The following PHLDB2 variants were observed in gnomAD, a reference collection of about 807,000 sequenced individuals.
The protein encoded by PHLDB2 is pleckstrin homology-like domain family B member 2.
Under a neutral mutation model 123.6 loss-of-function variants are expected in PHLDB2, and 71 were observed. The observed-to-expected ratio is 0.57, with a 90% confidence interval of 0.47 to 0.70. The LOEUF is 0.70. Among genes scored for constraint, PHLDB2 ranks in the 30% least tolerant of loss-of-function variants. The pLI, the probability that PHLDB2 is intolerant of heterozygous loss-of-function variation, is 0.00. For missense variants in PHLDB2, 1,446 were observed against 1,519.5 expected (o/e 0.95, Z 0.80); for synonymous variants, 547 against 541.6 (o/e 1.01, Z -0.14).
intron 2 of PHLDB2, among the ~76,000 whole-genome samples, chr3:111,907,625 A>G (rs2107479193): frequency 6.6e-6 from 1 of 152,152 alleles, no homozygotes; most frequent in East Asian, 1.9e-4. Flanking sequence ...CCTCCCAAGT[A>G]GCTGGGACTA....
chr3:111,780,712 T>C (rs984267950), intron 1 of PHLDB2, among the ~76,000 whole-genome samples: 2 of 152,084 alleles, frequency 1.3e-5, no homozygotes, highest in African/African-American at 4.8e-5. Context: ...ATATCAGAGA[T>C]TATTCAGGTA....
intron 1 of PHLDB2, among the ~76,000 whole-genome samples, chr3:111,866,191 G>A (rs1436613600): frequency 6.6e-6 from 1 of 151,408 alleles, no homozygotes; most frequent in East Asian, 1.9e-4. Flanking sequence ...GCTAATTTCT[G>A]TACTTTAATA....
At position 111,920,392 on chromosome 3, in the gene PHLDB2, A is replaced by G; in HGVS notation, c.1974A>G (p.Glu658=). 1 of 1,613,884 alleles carries G rather than the reference A, an allele frequency of 6.2e-7. No individual in the cohort carries two copies. The highest frequency in any genetic ancestry group is 8.5e-7 in the Non-Finnish European group (1 of 1,179,898). ...TAAACCGGAAAATAGCTGAACTGGA[A>G]AAGAACATTGTTGGTGAAAAGACCA... ...DHLNRKIAEL[E]KNIVGEKTKE... is the part of the protein sequence containing the mutation. The change falls in exon 5 of 18, where the codon GAA becomes GAG. Residue 658 remains glutamate, a synonymous_variant. Transcript: ENST00000431670.
Position 111,853,234 on chromosome 3 carries a change from A to G in PHLDB2, c.67+7299A>G, listed in dbSNP as rs144968549. The stretch of plus-strand genomic sequence containing the variant: ...ACCGTTACACAAAAATTTAATGGTA[A>G]GCTTGACTCTGGGCTTCCTGGCAAC... On this transcript the variant is annotated intron_variant, in intron 2 of 17. Coordinates refer to the PHLDB2 transcript ENST00000393923. Among the ~76,000 whole-genome samples the G allele has an allele frequency of 5.2e-3, 788 of 152,348 alleles. 8 individuals are homozygous for G. Among genetic ancestry groups the G allele is most frequent in the Non-Finnish European group, 8.2e-3 (558 of 68,036 alleles).
intron 1 of PHLDB2, among the ~76,000 whole-genome samples, chr3:111,866,899 C>T (rs1461948569): frequency 6.7e-6 from 1 of 148,528 alleles, no homozygotes. Context: ...AAGAGCTCCT[C>T]CACTCTCTTC....
Position 111,817,497 on chromosome 3 carries a change from A to G in PHLDB2, c.-48-28324A>G, listed in dbSNP as rs545245492. On this transcript the variant is annotated intron_variant, in intron 1 of 17. Transcript: ENST00000393923. ...CTTAGTAATAGAAGAAAATCATTAG[A>G]AAGGTCACTTTCTGAGGATGTCACC... 3.3e-5 allele frequency among the ~76,000 whole-genome samples: 5 copies of G among 152,358 alleles called. No individual in the cohort carries two copies. In the South Asian group the frequency reaches 1.0e-3, roughly 32 times the overall value.
chr3:111,935,093 A>ATTTTTTTTTTTTTTTTTT (rs34291565), intron 6 of PHLDB2, among the ~76,000 whole-genome samples: 1 of 75,168 alleles, frequency 1.3e-5, no homozygotes, highest in African/African-American at 5.0e-5. Context: ...TGGTATCTTG[A>ATTTTTTTTTTTTTTTTTT]TTTTTTTTTT....
chr3:111,907,189 C>T (rs886981333), intron 2 of PHLDB2, among the ~76,000 whole-genome samples: 8 of 152,174 alleles, frequency 5.3e-5, no homozygotes, highest in East Asian at 3.8e-4. Flanking sequence ...TGACTCCAAC[C>T]GCAAGTTCTG....
chr3:111,836,353 A>G (rs4583615), intron 1 of PHLDB2, among the ~76,000 whole-genome samples: 110,205 of 152,070 alleles, frequency 0.72, 40,290 homozygotes, highest in Middle Eastern at 0.85. Context: ...GAAGAAATTC[A>G]TGAATGCTGG....
chr3:111,948,570 A>ACTATTACATCTTGGTGTG (rs2070475717), intron 9 of PHLDB2, among the ~76,000 whole-genome samples: 1 of 152,158 alleles, frequency 6.6e-6, no homozygotes, highest in Non-Finnish European at 1.5e-5. Flanking sequence ...ATCTTGGTGT[A>ACTATTACATCTTGGTGTG]CTATTACATC....
chr3:111,911,827 T>C (rs2067901956), intron 2 of PHLDB2: 7 of 888,214 alleles, frequency 7.9e-6, no homozygotes, highest in Non-Finnish European at 1.2e-5. Flanking sequence ...GTAAGTCAGA[T>C]ACACCTTAAA....
At chr3:111,810,481 G>T (rs73226316) in intron 1 of PHLDB2, among the ~76,000 whole-genome samples, 24,732 of 152,064 alleles carry the variant, frequency 0.16, 2,400 homozygotes, top group Non-Finnish European at 0.2. Context: ...CCCCCACTTT[G>T]TTGTGTGCTC....
At chr3:111,781,626 CACA>C (rs1188020784) in intron 1 of PHLDB2, among the ~76,000 whole-genome samples, 2 of 152,048 alleles carry the variant, frequency 1.3e-5, no homozygotes, top group African/African-American at 4.8e-5. Flanking sequence ...TGTGGATATC[CACA>C]ACAAGAACAG....
At chr3:111,952,338 G>A (rs1468879699) in intron 10 of PHLDB2, among the ~76,000 whole-genome samples, 1 of 152,200 alleles carries the variant, frequency 6.6e-6, no homozygotes, top group African/African-American at 2.4e-5. Context: ...CACTACAGAA[G>A]TGAAAGGTGG....
At chr3:111,773,953 G>A (rs938852226) in intron 1 of PHLDB2, among the ~76,000 whole-genome samples, 2 of 152,128 alleles carry the variant, frequency 1.3e-5, no homozygotes, top group Non-Finnish European at 1.5e-5. Flanking sequence ...CAGGTACCAG[G>A]AAAAAGCCAA....
At chr3:111,945,426 G>T in intron 9 of PHLDB2, 69 bp downstream of exon 9, 1 of 1,159,026 alleles carries the variant, frequency 8.6e-7, no homozygotes, top group South Asian at 1.3e-5. Flanking sequence ...AGCTTTATTT[G>T]ATTAGCTGAA....
In PHLDB2 at chr3:111,805,498, TTG is replaced by T. The variant is rs1212152468; in HGVS notation, c.-48-40322_-48-40321del. 9.2e-5 allele frequency among the ~76,000 whole-genome samples: 13 copies of T among 141,926 alleles called. 2 individuals carry two copies. In the East Asian group the frequency reaches 2.1e-3, roughly 23 times the overall value. 93.1% of individuals were successfully genotyped at this position (141,926 alleles called of 152,430 possible). A position where few individuals can be genotyped will look rare whatever the true frequency, so the allele number is the denominator to read the frequency against. ...ATGGCACGAACCTGGGAGGCGGAGC[TTG>T]CAGTGAGCCGAGATTGCGCCGCTGC... On this transcript the variant is annotated intron_variant, in intron 1 of 17. Coordinates refer to the PHLDB2 transcript ENST00000393923.
At chr3:111,863,660 C>A (rs2064939434) in intron 1 of PHLDB2, among the ~76,000 whole-genome samples, 1 of 152,174 alleles carries the variant, frequency 6.6e-6, no homozygotes, top group Non-Finnish European at 1.5e-5. Flanking sequence ...AATCTGCAAG[C>A]CTCCTGTTCT....
chr3:111,774,916 T>A (rs1426289216), intron 1 of PHLDB2, among the ~76,000 whole-genome samples: 1 of 152,192 alleles, frequency 6.6e-6, no homozygotes, highest in East Asian at 1.9e-4. Flanking sequence ...ATACTCTCGA[T>A]GGATTGGATT....
Sources: allele counts gnomAD v4.1 joint callset (sites outside exome capture counted in the v4.1 genomes callset), GRCh38; gene constraint gnomAD v4.1.1; transcripts MANE v1.5; gene names NCBI Gene and HGNC (gene_info 2026-07-23, HGNC 2026-07-21).